Variants in TMEM11 observed in about 807,000 individuals in gnomAD.
The protein encoded by TMEM11 is transmembrane protein 11, also known as transmembrane protein 11, mitochondrial.
A neutral mutation model predicts 17.0 loss-of-function variants in TMEM11; 1 was observed. The ratio of observed to expected loss-of-function variants is 0.06; its 90% confidence interval spans 0.02 to 0.28. TMEM11 has a LOEUF of 0.28. Ranked by LOEUF, TMEM11 falls within the 10% of genes least tolerant of loss-of-function variation. The pLI is 1.00. For synonymous variants in TMEM11, 122 were observed against 118.1 expected, an observed-to-expected ratio of 1.03 and a Z score of -0.21; for missense variants, 172 against 252.9, an observed-to-expected ratio of 0.68 and a Z score of 2.17.
chr17:21,207,774 G>A (rs1974958303), intron 1 of TMEM11, among the ~76,000 whole-genome samples: 4 of 149,186 alleles, frequency 2.7e-5, no homozygotes. Context: ...TGTAATCCCA[G>A]CTACTCAGGA....
At chr17:21,204,458 A>AAAAAAAG (rs1555542254) in intron 1 of TMEM11, among the ~76,000 whole-genome samples, 1 of 146,810 alleles carries the variant, frequency 6.8e-6, no homozygotes, top group African/African-American at 2.6e-5. Flanking sequence ...AAAAAAAAAA[A>AAAAAAAG]AGAGAAAAAG....
Position 21,198,133 on chromosome 17 carries a change from T to C in TMEM11, c.*191A>G, listed in dbSNP as rs1210867576. 1.8e-5 allele frequency: 13 copies of C among 707,644 alleles called. No individual in the cohort carries two copies. In the South Asian group the frequency reaches 2.5e-4, roughly 14 times the overall value. The allele number at this position is 707,644 out of a possible 1,614,324, so 43.8% of individuals were successfully genotyped here. ...AGCCTCAGACCCCCCTCTTGGGTTA[T>C]GGAAATCCACATCTTAGTGTAATGA... On this transcript the variant is annotated 3_prime_UTR_variant, in exon 2 of 2. Coordinates refer to ENST00000317635, the MANE Select transcript of TMEM11 (RefSeq NM_003876.3). This position sits in a 1 kb window ranked among gnomAD's most constrained non-coding sequence, Gnocchi z 6.5.
rs200594981 is a variant in TMEM11 at position 21,214,051 on chromosome 17, G to A, written c.62+40C>T. ...GGCCGCGCTGGGCTCTCCGGCCGCT[G>A]AGCCGCCTGCACTGGGGGCAACAAG... is the stretch of plus-strand genomic sequence containing the variant. On this transcript the variant is annotated intron_variant, in intron 1 of 1. Transcript: ENST00000317635. 54 of 1,583,160 alleles carry A rather than the reference G, an allele frequency of 3.4e-5. No homozygotes were observed. In the East Asian group the frequency reaches 1.2e-3, roughly 35 times the overall value.
intron 1 of TMEM11, among the ~76,000 whole-genome samples, chr17:21,200,040 CT>C (rs1344886098): frequency 2.0e-5 from 3 of 152,228 alleles, no homozygotes; most frequent in Non-Finnish European, 4.4e-5. Flanking sequence ...ACACAAGGGG[CT>C]TTCCCCCCCG....
chr17:21,207,388 GGCGTGGTGGT>G (rs1393216450), intron 1 of TMEM11, among the ~76,000 whole-genome samples: 6 of 151,892 alleles, frequency 4.0e-5, no homozygotes, highest in Non-Finnish European at 5.9e-5. Flanking sequence ...AAATTAGCTG[GGCGTGGTGGT>G]GCATGCCTGT....
intron 1 of TMEM11, among the ~76,000 whole-genome samples, chr17:21,209,663 G>T (rs1439478085): frequency 6.6e-6 from 1 of 152,156 alleles, no homozygotes; most frequent in Non-Finnish European, 1.5e-5. Flanking sequence ...CAGCTACTCG[G>T]GAGGCTGGGG....
chr17:21,203,646 G>T (rs1338540622), intron 1 of TMEM11, among the ~76,000 whole-genome samples: 1 of 150,776 alleles, frequency 6.6e-6, no homozygotes, highest in East Asian at 1.9e-4. Flanking sequence ...GGCAGAGGTT[G>T]CAGTGAGCCA....
intron 1 of TMEM11, among the ~76,000 whole-genome samples, chr17:21,200,005 C>A (rs1487823244): frequency 6.6e-6 from 1 of 152,216 alleles, no homozygotes; most frequent in Non-Finnish European, 1.5e-5. Context: ...CACTCATTTG[C>A]ATAAGAAACA....
chr17:21,199,090 G>C (rs1227327696), intron 1 of TMEM11, among the ~76,000 whole-genome samples: 1 of 151,930 alleles, frequency 6.6e-6, no homozygotes, highest in African/African-American at 2.4e-5. Context: ...GGGAGGCCGG[G>C]GGGGCGGATC....
rs58031189 is a variant in TMEM11, at chr17:21,199,328, G to GAAAAAAAAAAAAA, written c.63-501_63-489dup. On this transcript the variant is annotated intron_variant, in intron 1 of 1. Transcript: ENST00000317635. ...GGTGACAGGGCGAGACTCAGTCTCAGAAAAAAAAAAAAAAAAAAGATATAA... is the reference window on the plus strand; with the variant it reads ...GGTGACAGGGCGAGACTCAGTCTCAGAAAAAAAAAAAAAAAAAAAAAAAAAAAAAAAGATATAA... Among the ~76,000 whole-genome samples, 34 of 78,282 alleles carry GAAAAAAAAAAAAA rather than the reference G, an allele frequency of 4.3e-4. 1 individual carries two copies. Among genetic ancestry groups the GAAAAAAAAAAAAA allele is most frequent in the East Asian group, 8.1e-4 (2 of 2,468 alleles). The allele number at this position is 78,282 out of a possible 152,430, so 51.4% of individuals were successfully genotyped here.
intron 1 of TMEM11, among the ~76,000 whole-genome samples, chr17:21,208,153 C>T (rs12945647): frequency 0.014 from 2,180 of 151,042 alleles, 48 homozygotes; most frequent in Non-Finnish European, 0.022. Flanking sequence ...CCACCACGCC[C>T]GGCTAATTTT....
At chr17:21,207,802 C>T (rs535018243) in intron 1 of TMEM11, among the ~76,000 whole-genome samples, 2 of 151,336 alleles carry the variant, frequency 1.3e-5, no homozygotes, top group East Asian at 2.0e-4. Flanking sequence ...GCAGGAGAAT[C>T]GCTTGAACCT....
intron 1 of TMEM11, among the ~76,000 whole-genome samples, chr17:21,202,390 G>A (rs779546752): frequency 2.4e-4 from 37 of 152,104 alleles, no homozygotes; most frequent in Non-Finnish European, 4.6e-4. Context: ...CAATGTTCTC[G>A]CCAACACCCA....
intron 1 of TMEM11, among the ~76,000 whole-genome samples, chr17:21,210,634 G>A (rs1228211989): frequency 1.3e-5 from 2 of 152,190 alleles, no homozygotes; most frequent in Non-Finnish European, 2.9e-5. Flanking sequence ...GGGCCACCTG[G>A]GACCAGGCAC....
intron 1 of TMEM11, among the ~76,000 whole-genome samples, chr17:21,211,613 A>C (rs1975003954): frequency 6.6e-6 from 1 of 152,268 alleles, no homozygotes. Flanking sequence ...TCCAACACAC[A>C]GCGCCGGCAG....
chr17:21,202,539 A>C (rs1402022701), intron 1 of TMEM11, among the ~76,000 whole-genome samples: 1 of 152,160 alleles, frequency 6.6e-6, no homozygotes, highest in African/African-American at 2.4e-5. Context: ...CTGGAAACAC[A>C]GCAGTGGGCA....
At chr17:21,203,631 T>A (rs1974907536) in intron 1 of TMEM11, among the ~76,000 whole-genome samples, 1 of 150,646 alleles carries the variant, frequency 6.6e-6, no homozygotes, top group South Asian at 2.1e-4. Flanking sequence ...CACTTGAACC[T>A]GGGAGGCAGA....
In TMEM11 at chr17:21,212,007, A is replaced by T. The variant is rs1975007883; in HGVS notation, c.62+2084T>A. On this transcript the variant is annotated intron_variant, in intron 1 of 1. Coordinates refer to ENST00000317635, the MANE Select transcript of TMEM11 (RefSeq NM_003876.3). ...CCTGAACAGTCATCACCAACTGAGCAGGAATGGAGGGATGCCCAGAAGTCA... is the reference window on the plus strand; with the variant it reads ...CCTGAACAGTCATCACCAACTGAGCTGGAATGGAGGGATGCCCAGAAGTCA... Among the ~76,000 whole-genome samples, 2 of 152,192 alleles carry T rather than the reference A, an allele frequency of 1.3e-5. 1 individual carries two copies. The highest frequency in any genetic ancestry group is 4.1e-4 in the South Asian group (2 of 4,836).
At position 21,198,744 on chromosome 17, in the gene TMEM11, C is replaced by A; in HGVS notation, c.159G>T (p.Leu53=). 1 of 1,614,018 alleles carries A rather than the reference C, an allele frequency of 6.2e-7. No individual in the cohort carries two copies. Among genetic ancestry groups the A allele is most frequent in the East Asian group, 2.2e-5 (1 of 44,890 alleles). The change falls in exon 2 of 2, where the codon CTG becomes CTT. Residue 53 remains leucine (L), a synonymous_variant. Coordinates refer to ENST00000317635, the MANE Select transcript of TMEM11 (RefSeq NM_003876.3). This position sits in a 1 kb window ranked among gnomAD's most constrained non-coding sequence, Gnocchi z 6.5. The stretch of plus-strand genomic sequence containing the variant: ...TCACAATGTACTTGTACTGGGCTTC[C>A]AGGGCCTGCTCCAGCTCGTACTCAA... ...DQFEYELEQA[L]EAQYKYIVIE...
Sources: gnomAD v4.1 joint callset for allele counts (sites outside exome capture counted in the v4.1 genomes callset) on GRCh38, gnomAD v4.1.1 for gene constraint, Gnocchi (gnomAD v3.1) non-coding constraint, MANE v1.5 for transcripts, NCBI Gene and HGNC (gene_info 2026-07-23, HGNC 2026-07-21) for gene names.